The following NID2 variants were observed in gnomAD, a reference collection of about 807,000 sequenced individuals.
The protein encoded by NID2 is nidogen-2.
In NID2, 83 loss-of-function variants were observed where a neutral mutation model predicts 145.4. The ratio of observed to expected loss-of-function variants is 0.57; its 90% CI spans 0.48 to 0.69. The LOEUF is 0.69. NID2 is among the 30% of genes least tolerant of loss of function. The pLI, the probability that NID2 is intolerant of heterozygous loss-of-function variation, is 0.00. For synonymous variants in NID2, 739 were observed against 701.3 expected (o/e 1.05, Z -0.85); for missense variants, 1,807 against 1,765.7 (o/e 1.02, Z -0.42).
intron 9 of NID2, 97 bp from the exon 10 acceptor site, chr14:52,029,787 T>C: frequency 9.8e-7 from 1 of 1,016,406 alleles, no homozygotes; most frequent in Non-Finnish European, 1.5e-6. Flanking sequence ...CATGTCTGTG[T>C]TTTGTGACAC....
chr14:52,031,144 G>A (rs532391706), intron 9 of NID2, among the ~76,000 whole-genome samples: 14 of 152,344 alleles, frequency 9.2e-5, no homozygotes, highest in African/African-American at 3.4e-4. Context: ...AAGTTATCTA[G>A]TCTAAGCCAA....
intron 14 of NID2, 108 bp from the exon 15 acceptor site, chr14:52,015,383 C>T (rs942148788): frequency 4.7e-6 from 5 of 1,072,138 alleles, no homozygotes; most frequent in Non-Finnish European, 6.7e-6. Flanking sequence ...CCTTCCTTCT[C>T]CTACTGTCCA....
intron 13 of NID2, 22 bp from the exon 14 acceptor site, chr14:52,019,316 A>G (rs910878494): frequency 5.9e-6 from 9 of 1,536,346 alleles, no homozygotes; most frequent in Non-Finnish European, 8.8e-7. Flanking sequence ...AAGGCAGAGG[A>G]AGACACAAAA....
Position 52,014,458 on chromosome 14 carries a change from TGTGGGAGAGAGG to T in NID2, c.3251-14_3251-3del, listed in dbSNP as rs1891143284. On this transcript the variant is annotated splice_region_variant and splice_polypyrimidine_tract_variant and intron_variant, in intron 15 of 21. Coordinates refer to ENST00000216286, the MANE Select transcript of NID2 (RefSeq NM_007361.4). ...TGGGTGGAGCGACGGTGGGTATACC[TGTGGGAGAGAGG>T]GTGGGAGAGCAGGAAGGGGAACAAG... 1 of 1,604,340 alleles carries T rather than the reference TGTGGGAGAGAGG, an allele frequency of 6.2e-7. No homozygotes were observed. The highest frequency in any genetic ancestry group is 8.5e-7 in the Non-Finnish European group (1 of 1,174,598).
intron 12 of NID2, 192 bp from the exon 13 acceptor site, chr14:52,020,370 A>C (rs1436350184): frequency 1.2e-6 from 1 of 836,384 alleles, no homozygotes; most frequent in Non-Finnish European, 1.7e-6. Flanking sequence ...AAAAAAAATC[A>C]AGGAACATGT....
At chr14:52,057,703 C>CAAAA (rs5808649) in intron 3 of NID2, among the ~76,000 whole-genome samples, 13 of 89,612 alleles carry the variant, frequency 1.5e-4, no homozygotes, top group Middle Eastern at 6.2e-3. Context: ...ACCTCCGTCT[C>CAAAA]AAAAAAAAAA....
Position 52,054,016 on chromosome 14 carries a change from C to T in NID2, c.1069+4G>A. 1 of 1,612,534 alleles carries T rather than the reference C, an allele frequency of 6.2e-7. No individual in the cohort carries two copies. Among genetic ancestry groups the T allele is most frequent in the Non-Finnish European group, 8.5e-7 (1 of 1,179,090 alleles). ...CAGATCAGAATCTGGAGGGGAGATC[C>T]TACCCTCTAAAGGCTTTGTATCCAC... is the stretch of plus-strand genomic sequence containing the variant. On this transcript the variant is annotated splice_donor_region_variant and intron_variant, in intron 4 of 21. Coordinates refer to ENST00000216286, the MANE Select transcript of NID2 (RefSeq NM_007361.4).
chr14:52,023,010 G>A (rs888807431), intron 12 of NID2, among the ~76,000 whole-genome samples: 8 of 152,176 alleles, frequency 5.3e-5, no homozygotes, highest in Admixed American at 1.3e-4. Flanking sequence ...ATGGCATGTG[G>A]TGAACCCACT....
intron 20 of NID2, 127 bp from the exon 21 acceptor site, chr14:52,005,976 C>CTAAAGCCATACTGAA: frequency 1.5e-6 from 1 of 674,680 alleles, no homozygotes; most frequent in East Asian, 2.7e-5. Flanking sequence ...AGGGCTGGTG[C>CTAAAGCCATACTGAA]TAAAGCCATA....
intron 12 of NID2, among the ~76,000 whole-genome samples, chr14:52,023,851 G>A (rs4901180): frequency 0.24 from 36,497 of 152,006 alleles, 4,449 homozygotes; most frequent in African/African-American, 0.25. Context: ...CCAGGGAGCC[G>A]GTTTTTTTAA....
rs567614861 is a variant in NID2 at position 52,014,221 on chromosome 14, C to T, written c.3420+66G>A. On this transcript the variant is annotated intron_variant, in intron 16 of 21. Transcript: ENST00000216286. ...ACCAGTCCACCTCACTGCAACAGGG[C>T]CTGTGAGGTGGCTCCCACTGGGAAA... is the stretch of plus-strand genomic sequence containing the variant. 19 of 1,593,222 alleles carry T rather than the reference C, an allele frequency of 1.2e-5. No individual in the cohort carries two copies. In the South Asian group the frequency reaches 1.4e-4, roughly 12 times the overall value.
At chr14:52,042,053 C>T in intron 7 of NID2, 52 bp downstream of exon 7, 1 of 1,530,034 alleles carries the variant, frequency 6.5e-7, no homozygotes, top group East Asian at 2.3e-5. Context: ...CCCCAAGGAG[C>T]ACCACTGCCA....
chr14:52,012,617 T>C (rs1041181769), intron 16 of NID2, among the ~76,000 whole-genome samples: 8 of 152,268 alleles, frequency 5.3e-5, no homozygotes, highest in Admixed American at 4.6e-4. Flanking sequence ...GGAAAAAATC[T>C]AATTTATTGG....
chr14:52,031,588 T>G (rs531653223), intron 9 of NID2, among the ~76,000 whole-genome samples: 2 of 152,308 alleles, frequency 1.3e-5, no homozygotes, highest in Admixed American at 1.3e-4. Flanking sequence ...AGGCCCTGTC[T>G]TGATAGCCAG....
At chr14:52,009,736 C>G (rs1890934191) in intron 18 of NID2, 1 of 152,256 alleles carries the variant, frequency 6.6e-6, no homozygotes, top group Admixed American at 6.5e-5. Flanking sequence ...TGGCTCATAC[C>G]TATAATCCCA....
At position 52,042,883 on chromosome 14, in the gene NID2, C is replaced by T. The variant is rs111989036; in HGVS notation, c.1478G>A (p.Arg493Lys). 11,883 of 1,614,202 alleles carry T rather than the reference C, an allele frequency of 7.4e-3. 52 individuals carry two copies. Among genetic ancestry groups the T allele is most frequent in the Non-Finnish European group, 8.8e-3 (10,345 of 1,180,034 alleles). Residue 493 changes from arginine to lysine, a missense_variant, in exon 6 of 22, where the codon AGA (arginine) becomes AAA (lysine). Transcript: ENST00000216286. The stretch of plus-strand genomic sequence containing the variant: ...GCAGAAGGCATGCCGGGAGCATTGT[C>T]TGTGGTTGTGTTCACAGGTTTCCTT... ...ANKETCEHNH[R>K]QCSRHAFCTD...
intron 3 of NID2, among the ~76,000 whole-genome samples, chr14:52,057,578 C>T (rs1323407143): frequency 1.3e-5 from 2 of 151,472 alleles, no homozygotes; most frequent in Middle Eastern, 3.2e-3. Context: ...TGGTGGGCGC[C>T]TGTAATCCCA....
chr14:52,033,152 G>C (rs1480266556), intron 9 of NID2, among the ~76,000 whole-genome samples: 1 of 152,206 alleles, frequency 6.6e-6, no homozygotes, highest in Non-Finnish European at 1.5e-5. Flanking sequence ...AAAGAACACA[G>C]TATCCTTCTT....
intron 9 of NID2, among the ~76,000 whole-genome samples, chr14:52,033,252 G>C (rs1429177318): frequency 6.6e-6 from 1 of 152,130 alleles, no homozygotes; most frequent in Non-Finnish European, 1.5e-5. Context: ...TAATCAAGGG[G>C]AAGAGCGGTT....
Sources: allele counts gnomAD v4.1 joint callset (sites outside exome capture counted in the v4.1 genomes callset), GRCh38; gene constraint gnomAD v4.1.1; transcripts MANE v1.5; gene names NCBI Gene and HGNC (gene_info 2026-07-23, HGNC 2026-07-21).